The following CCDC148 variants were observed in gnomAD, a reference collection of about 807,000 sequenced individuals.
The protein encoded by CCDC148 is coiled-coil domain-containing protein 148.
Under a neutral mutation model 85.7 loss-of-function variants are expected in CCDC148, and 89 were observed. The observed-to-expected ratio is 1.04, with a 90% CI of 0.87 to 1.24. The LOEUF is 1.24. Among genes scored for constraint, CCDC148 ranks in the 50% most tolerant of loss-of-function variants. The pLI, the probability that CCDC148 is intolerant of heterozygous loss-of-function variation, is 0.00. For synonymous variants in CCDC148, 230 were observed against 213.9 expected, an observed-to-expected ratio of 1.08 and a Z score of -0.66; for missense variants, 692 against 671.7, an observed-to-expected ratio of 1.03 and a Z score of -0.33.
Position 158,253,419 on chromosome 2 carries a change from A to G in CCDC148, c.1111-2507T>C, listed in dbSNP as rs191391648. 4.2e-3 allele frequency among the ~76,000 whole-genome samples: 635 copies of G among 151,536 alleles called. 2 individuals are homozygous for G. The highest frequency in any genetic ancestry group is 4.1e-3 in the Admixed American group (62 of 15,140). Reference sequence around the variant, plus strand: ...TACCCCCTGCTTGAAATGCTCTCAGATTTCCCCTTCTTCATAAAATATTCA... The same window carrying G: ...TACCCCCTGCTTGAAATGCTCTCAGGTTTCCCCTTCTTCATAAAATATTCA... On this transcript the variant is annotated intron_variant, in intron 9 of 13. Transcript: ENST00000283233.
chr2:158,443,026 G>T (rs185606047), intron 1 of CCDC148, among the ~76,000 whole-genome samples: 113 of 150,730 alleles, frequency 7.5e-4, no homozygotes, highest in African/African-American at 2.6e-3. Flanking sequence ...AAGAAGATCA[G>T]TCATAGTTTT....
At chr2:158,374,773 T>C (rs773639725) in intron 1 of CCDC148, among the ~76,000 whole-genome samples, 76 of 151,962 alleles carry the variant, frequency 5.0e-4, no homozygotes, top group Non-Finnish European at 8.1e-4. Flanking sequence ...CATACAGTCA[T>C]CTCTCAGTAT....
intron 1 of CCDC148, among the ~76,000 whole-genome samples, chr2:158,363,317 G>T (rs1012230076): frequency 6.6e-6 from 1 of 152,106 alleles, no homozygotes; most frequent in Non-Finnish European, 1.5e-5. Context: ...CATTTTGTAA[G>T]GCCAGCATCA....
intron 7 of CCDC148, among the ~76,000 whole-genome samples, chr2:158,322,545 T>C (rs555952240): frequency 1.3e-5 from 2 of 152,144 alleles, no homozygotes; most frequent in East Asian, 3.9e-4. Flanking sequence ...TTAGATTAAT[T>C]TTTAGTTTCT....
At position 158,271,702 on chromosome 2, in the gene CCDC148, G is replaced by A. The variant is rs1689707227; in HGVS notation, c.1111-20790C>T. Among the ~76,000 whole-genome samples the A allele has an allele frequency of 2.0e-5, 3 of 152,106 alleles. No homozygotes were observed. The South Asian group carries it at 6.2e-4, about 31-fold the overall frequency. On this transcript the variant is annotated intron_variant, in intron 9 of 13. Coordinates refer to ENST00000283233, the MANE Select transcript of CCDC148 (RefSeq NM_138803.4). The stretch of plus-strand genomic sequence containing the variant: ...ATTTATAAATTAAACTTTATCATAG[G>A]AAAATAATATAAATACAGAATTTGG...
chr2:158,280,452 A>C (rs1217648209), intron 9 of CCDC148, among the ~76,000 whole-genome samples: 1 of 152,182 alleles, frequency 6.6e-6, no homozygotes, highest in African/African-American at 2.4e-5. Flanking sequence ...CAAATGGAAA[A>C]CAAAAAAAGG....
At chr2:158,245,928 T>C (rs137947286) in intron 10 of CCDC148, among the ~76,000 whole-genome samples, 4 of 152,302 alleles carry the variant, frequency 2.6e-5, no homozygotes, top group Admixed American at 6.5e-5. Flanking sequence ...CTTAAAACTA[T>C]GAAAACTGTA....
chr2:158,177,942 T>C (rs1013830316), intron 12 of CCDC148: 3 of 152,160 alleles, frequency 2.0e-5, no homozygotes, highest in African/African-American at 4.8e-5. Flanking sequence ...AAAGTTGTTG[T>C]AGAAATTGAA....
chr2:158,338,547 C>A, intron 7 of CCDC148, 179 bp downstream of exon 7: 1 of 512,844 alleles, frequency 1.9e-6, no homozygotes. Flanking sequence ...ACTATTATGT[C>A]AAGAAATTTT....
intron 9 of CCDC148, among the ~76,000 whole-genome samples, chr2:158,283,789 G>T (rs1306833357): frequency 4.0e-5 from 6 of 151,784 alleles, no homozygotes; most frequent in Admixed American, 6.6e-5. Context: ...TATACCCAAA[G>T]GACTATAAAT....
At chr2:158,435,026 G>C (rs1687571188) in intron 1 of CCDC148, among the ~76,000 whole-genome samples, 1 of 152,192 alleles carries the variant, frequency 6.6e-6, no homozygotes, top group Admixed American at 6.5e-5. Flanking sequence ...GTGACGGGGA[G>C]AATGGAACCA....
intron 9 of CCDC148, among the ~76,000 whole-genome samples, chr2:158,289,133 A>T (rs145753705): frequency 6.6e-6 from 1 of 152,364 alleles, no homozygotes; most frequent in East Asian, 1.9e-4. Flanking sequence ...GTGGGGACAC[A>T]GCCAAACTAT....
chr2:158,225,065 T>C (rs994732604), intron 10 of CCDC148, among the ~76,000 whole-genome samples: 2 of 152,088 alleles, frequency 1.3e-5, no homozygotes, highest in African/African-American at 2.4e-5. Flanking sequence ...ACCCATCTCA[T>C]GTGAAGAGAC....
chr2:158,322,792 T>C (rs1044044421), intron 7 of CCDC148, among the ~76,000 whole-genome samples: 3 of 152,086 alleles, frequency 2.0e-5, no homozygotes, highest in African/African-American at 7.2e-5. Context: ...TGTTAAATCA[T>C]TGTGGGTTTT....
chr2:158,182,813 C>T (rs896524428), intron 11 of CCDC148, among the ~76,000 whole-genome samples: 1 of 152,032 alleles, frequency 6.6e-6, no homozygotes, highest in Non-Finnish European at 1.5e-5. Context: ...TTTTCTTTGC[C>T]TAAAGAGAAG....
chr2:158,309,905 C>T (rs1691893656), intron 8 of CCDC148, among the ~76,000 whole-genome samples: 1 of 152,156 alleles, frequency 6.6e-6, no homozygotes, highest in Admixed American at 6.5e-5. Flanking sequence ...ACCAGGTAAC[C>T]TCTAAAACCA....
chr2:158,348,267 T>C (rs1032516668), intron 2 of CCDC148, among the ~76,000 whole-genome samples: 2 of 152,084 alleles, frequency 1.3e-5, no homozygotes, highest in African/African-American at 4.8e-5. Context: ...AACTTGAATC[T>C]GATCAAGTCC....
intron 11 of CCDC148, among the ~76,000 whole-genome samples, chr2:158,199,814 G>T (rs565944584): frequency 3.3e-4 from 51 of 152,258 alleles, no homozygotes; most frequent in Non-Finnish European, 6.6e-4. Context: ...AATAAAAAGG[G>T]TCAAATGATA....
intron 7 of CCDC148, among the ~76,000 whole-genome samples, chr2:158,316,267 C>T (rs1692278035): frequency 6.6e-6 from 1 of 152,212 alleles, no homozygotes; most frequent in Non-Finnish European, 1.5e-5. Flanking sequence ...TAGAAGCACA[C>T]ATTAAGCAGT....
Sources: gnomAD v4.1 joint callset for allele counts (sites outside exome capture counted in the v4.1 genomes callset) on GRCh38, gnomAD v4.1.1 for gene constraint, MANE v1.5 for transcripts, NCBI Gene and HGNC (gene_info 2026-07-23, HGNC 2026-07-21) for gene names.